FSTL4: variants seen among roughly 807,000 people sequenced by gnomAD.
The protein encoded by FSTL4 is follistatin like 4.
A neutral mutation model predicts 78.2 loss-of-function variants in FSTL4; 28 were observed. That is an observed-to-expected ratio of 0.36 (90% CI 0.27 to 0.49). The LOEUF is 0.49. Ranked by LOEUF, FSTL4 falls within the 20% of genes least tolerant of loss-of-function variation. FSTL4 has a pLI of 0.98. For missense variants in FSTL4, 922 were observed against 1,084.9 expected, an observed-to-expected ratio of 0.85 and a Z score of 2.11; for synonymous variants, 422 against 440.5, an observed-to-expected ratio of 0.96 and a Z score of 0.53.
At chr5:133,250,556 C>T (rs778021799) in intron 6 of FSTL4, among the ~76,000 whole-genome samples, 13 of 152,248 alleles carry the variant, frequency 8.5e-5, no homozygotes, top group African/African-American at 2.2e-4. Context: ...GGGACCCCAA[C>T]AGATGTATCC....
chr5:133,267,582 G>C (rs1008135580), intron 6 of FSTL4, among the ~76,000 whole-genome samples: 4 of 152,152 alleles, frequency 2.6e-5, no homozygotes, highest in African/African-American at 9.7e-5. Context: ...CATGGCCATA[G>C]TGCTCCTGGG....
At chr5:133,370,732 G>A (rs964295708) in intron 4 of FSTL4, among the ~76,000 whole-genome samples, 1 of 152,120 alleles carries the variant, frequency 6.6e-6, no homozygotes, top group Non-Finnish European at 1.5e-5. Flanking sequence ...GGGTAGGCAG[G>A]TGTGAGGCAG....
At chr5:133,367,824 G>C (rs553406451) in intron 4 of FSTL4, among the ~76,000 whole-genome samples, 45 of 152,350 alleles carry the variant, frequency 3.0e-4, no homozygotes, top group Non-Finnish European at 6.3e-4. Context: ...ATCCTTGGGA[G>C]AGAACAAATC....
chr5:133,603,907 G>A lies in FSTL4; in HGVS notation c.77C>T (p.Pro26Leu), dbSNP rs1561484056. 1 of 1,613,868 alleles carries A rather than the reference G, an allele frequency of 6.2e-7. No individual in the cohort carries two copies. Among genetic ancestry groups the A allele is most frequent in the African/African-American group, 1.3e-5 (1 of 74,924 alleles). ...SLPAALGWMD[P>L]GTSRGPDVGV... ...CACATCCGGGCCTCTGCTGGTTCCT[G>A]GGTCCATCCATCCCAGCGCAGCCGG... Residue 26 changes from proline (P) to leucine (L), a missense_variant, in exon 2 of 16, where the codon CCA becomes CTA. Pro to Leu is a moderately conservative substitution (Grantham distance 98). Transcript: ENST00000265342.
intron 3 of FSTL4, among the ~76,000 whole-genome samples, chr5:133,406,831 A>G (rs1756375795): frequency 6.6e-6 from 1 of 152,232 alleles, no homozygotes; most frequent in African/African-American, 2.4e-5. Flanking sequence ...CTCAGCACAT[A>G]TTTGTGGCAT....
chr5:133,604,603 G>A (rs1482889761), intron 1 of FSTL4, among the ~76,000 whole-genome samples: 3 of 152,148 alleles, frequency 2.0e-5, no homozygotes, highest in African/African-American at 7.2e-5. Flanking sequence ...CAGCTACTCA[G>A]GAGGCTGGGG....
At chr5:133,484,552 G>A (rs1758094079) in intron 3 of FSTL4, among the ~76,000 whole-genome samples, 1 of 152,158 alleles carries the variant, frequency 6.6e-6, no homozygotes, top group Non-Finnish European at 1.5e-5. Flanking sequence ...TTTAAAACAG[G>A]TCATCTTAGA....
At chr5:133,701,905 G>A in the FSTL4 span, among the ~76,000 whole-genome samples, 3 of 152,052 alleles carry the variant, frequency 2.0e-5, no homozygotes, top group East Asian at 1.9e-4. Context: ...CTGATGCTGT[G>A]AGCATTCCAT....
intron 1 of FSTL4, among the ~76,000 whole-genome samples, chr5:133,605,160 G>A (rs544787760): frequency 2.6e-5 from 4 of 152,286 alleles, no homozygotes; most frequent in Admixed American, 2.0e-4. Context: ...TTCTGATTAT[G>A]AAACATAACC....
At chr5:133,753,508 G>A in the FSTL4 span, among the ~76,000 whole-genome samples, 1 of 152,210 alleles carries the variant, frequency 6.6e-6, no homozygotes, top group African/African-American at 2.4e-5. Context: ...ATGAGCTGGA[G>A]AAGATTCACA....
chr5:133,617,055 C>G (rs1369719547), upstream of FSTL4, among the ~76,000 whole-genome samples: 2 of 152,124 alleles, frequency 1.3e-5, no homozygotes, highest in African/African-American at 4.8e-5. Context: ...AATCCCAGCT[C>G]TTTGGGAGGC....
At chr5:133,515,543 G>C (rs1758835376) in intron 3 of FSTL4, among the ~76,000 whole-genome samples, 1 of 151,864 alleles carries the variant, frequency 6.6e-6, no homozygotes, top group African/African-American at 2.4e-5. Context: ...GAAAAAGAAA[G>C]CATAAATTCA....
chr5:133,607,851 T>A (rs1455232343), intron 1 of FSTL4, among the ~76,000 whole-genome samples: 1 of 147,466 alleles, frequency 6.8e-6, no homozygotes, highest in Non-Finnish European at 1.5e-5. Flanking sequence ...CTGGGCAGAC[T>A]CTCCTCAGTC....
At chr5:133,322,448 T>C (rs1754094696) in intron 4 of FSTL4, among the ~76,000 whole-genome samples, 1 of 152,146 alleles carries the variant, frequency 6.6e-6, no homozygotes, top group Non-Finnish European at 1.5e-5. Flanking sequence ...GATGAGGATC[T>C]AGGGGCAAGC....
At chr5:133,586,257 G>T (rs1191096550) in intron 2 of FSTL4, among the ~76,000 whole-genome samples, 1 of 105,716 alleles carries the variant, frequency 9.5e-6, no homozygotes, top group Non-Finnish European at 2.0e-5. Context: ...TCAAAAGCTA[G>T]CAGAAGGCAA....
chr5:133,357,629 T>G (rs1253601987), intron 4 of FSTL4, among the ~76,000 whole-genome samples: 1 of 152,156 alleles, frequency 6.6e-6, no homozygotes, highest in Admixed American at 6.5e-5. Flanking sequence ...GAACGGCCAT[T>G]TGCTTCCAAA....
the FSTL4 span, among the ~76,000 whole-genome samples, chr5:133,708,914 G>A: frequency 1.3e-5 from 2 of 152,170 alleles, no homozygotes; most frequent in Non-Finnish European, 2.9e-5. Context: ...CCAATTCCAT[G>A]AGAGCAAGGG....
chr5:133,809,376 A>AG, the FSTL4 span, among the ~76,000 whole-genome samples: 1 of 151,216 alleles, frequency 6.6e-6, no homozygotes, highest in East Asian at 1.9e-4. Context: ...AAAAAAAAAA[A>AG]AAAAAAAAAA....
intron 8 of FSTL4, chr5:133,226,056 A>C (rs970205196): frequency 1.4e-5 from 5 of 360,168 alleles, no homozygotes; most frequent in African/African-American, 2.1e-5. Flanking sequence ...CATGGCTTTC[A>C]TCATTATTCT....
Sources: allele counts gnomAD v4.1 joint callset (sites outside exome capture counted in the v4.1 genomes callset), GRCh38; gene constraint gnomAD v4.1.1; transcripts MANE v1.5; gene names NCBI Gene and HGNC (gene_info 2026-07-23, HGNC 2026-07-21).